SNRPE: variants seen among roughly 807,000 people sequenced by gnomAD.
SNRPE encodes small nuclear ribonucleoprotein E.
For synonymous variants in SNRPE, 35 were observed against 36.7 expected (o/e 0.95, Z 0.17); for missense variants, 53 against 111.6 (o/e 0.48, Z 2.36).
chr1:203,861,603 A>C lies in SNRPE; in HGVS notation c.-57A>C. The C allele has an allele frequency of 2.2e-6, 3 of 1,357,602 alleles. No homozygotes were observed. The highest frequency in any genetic ancestry group is 1.4e-5 in the African/African-American group (1 of 70,208). The allele number at this position is 1,357,602 out of a possible 1,614,324, so 84.1% of individuals were successfully genotyped here. A position where few individuals can be genotyped will look rare whatever the true frequency, so the allele number is the denominator to read the frequency against. On this transcript the variant is annotated 5_prime_UTR_variant, in exon 1 of 5. Coordinates refer to ENST00000414487, the MANE Select transcript of SNRPE (RefSeq NM_003094.4). ...TTCACACTTCCGCTTCCGGTTCTTT[A>C]TTCCGGAAGTTGCTCTCAGAGGCAG...
chr1:203,863,185 T>A (rs955191163), intron 2 of SNRPE, among the ~76,000 whole-genome samples: 6 of 113,596 alleles, frequency 5.3e-5, no homozygotes, highest in Non-Finnish European at 8.4e-5. Context: ...ATACTTCAAT[T>A]TTTTGGGGGG....
chr1:203,861,744 G>C, intron 1 of SNRPE, 31 bp downstream of exon 1: 1 of 1,551,192 alleles, frequency 6.4e-7, no homozygotes, highest in Non-Finnish European at 8.9e-7. Flanking sequence ...GGACTAGGAG[G>C]TTCGGGTCAG....
At chr1:203,864,927 T>G in intron 3 of SNRPE, 114 bp from the exon 4 acceptor site, 3 of 863,022 alleles carry the variant, frequency 3.5e-6, no homozygotes, top group African/African-American at 1.8e-5. Flanking sequence ...GGGGTGGGGC[T>G]TGAGAAGAGT....
chr1:203,869,769 A>C, intron 4 of SNRPE, 108 bp from the exon 5 acceptor site: 1 of 715,604 alleles, frequency 1.4e-6, no homozygotes, highest in Non-Finnish European at 2.4e-6. Flanking sequence ...ACATATTTTT[A>C]TAAGAAAGCA....
rs1483153225 is a variant in SNRPE at position 203,863,723 on chromosome 1, A to G, written c.142A>G (p.Ile48Val). The part of the protein sequence containing the change: ...QVNMRIEGCI[I>V]GFDEYMNLVL... ...GAATATGCGGATAGAAGGCTGTATC[A>G]TTGTGAGTATCCAGGCGATTTCATC... is the stretch of plus-strand genomic sequence containing the variant. Residue 48 changes from isoleucine (I) to valine (V), a missense_variant and splice_region_variant, in exon 3 of 5, where the codon ATT (isoleucine) becomes GTT (valine). Ile to Val is a conservative substitution (Grantham distance 29, BLOSUM62 3). Transcript: ENST00000414487. 6.3e-7 allele frequency: 1 copy of G among 1,589,580 alleles called. No individual in the cohort carries two copies. Among genetic ancestry groups the G allele is most frequent in the African/African-American group, 1.3e-5 (1 of 74,540 alleles).
chr1:203,868,286 G>A (rs1397541909), intron 4 of SNRPE, among the ~76,000 whole-genome samples: 1 of 152,000 alleles, frequency 6.6e-6, no homozygotes, highest in African/African-American at 2.4e-5. Flanking sequence ...TAACTTCTGA[G>A]CTCAGGCAAT....
At position 203,861,707 on chromosome 1, in the gene SNRPE, G is replaced by C; in HGVS notation, c.48G>C (p.Gln16His). 1 of 1,610,922 alleles carries C rather than the reference G, an allele frequency of 6.2e-7. No individual in the cohort carries two copies. Among genetic ancestry groups the C allele is most frequent in the Non-Finnish European group, 8.5e-7 (1 of 1,176,976 alleles). ...QGQKVQKVMV[Q>H]PINLIFRYLQ... ...AGAAAGTGCAGAAGGTTATGGTGCA[G>C]CCCATCGTATCCTACGCAGGATGTC... Residue 16 changes from glutamine to histidine, a missense_variant, in exon 1 of 5, where the codon CAG (glutamine) becomes CAC (histidine). Physicochemically the swap from Gln to His is conservative, Grantham distance 24. Coordinates refer to ENST00000414487, the MANE Select transcript of SNRPE (RefSeq NM_003094.4).
At chr1:203,862,729 C>T (rs1006798392) in intron 2 of SNRPE, among the ~76,000 whole-genome samples, 1 of 152,152 alleles carries the variant, frequency 6.6e-6, no homozygotes, top group Non-Finnish European at 1.5e-5. Context: ...ATTTTAGCAA[C>T]TTAAATTTTA....
intron 4 of SNRPE, among the ~76,000 whole-genome samples, chr1:203,868,412 A>G (rs1161972440): frequency 1.3e-5 from 2 of 152,218 alleles, no homozygotes; most frequent in African/African-American, 4.8e-5. Context: ...GGTTTCATCA[A>G]GACACACTGA....
Position 203,870,133 on chromosome 1 carries a change from C to T in SNRPE, c.*201C>T, listed in dbSNP as rs543301410. 1.1e-5 allele frequency: 5 copies of T among 467,984 alleles called. No homozygotes were observed. Among genetic ancestry groups the T allele is most frequent in the African/African-American group, 8.1e-5 (4 of 49,444 alleles). 29.0% of individuals were successfully genotyped at this position (467,984 alleles called of 1,614,324 possible). On this transcript the variant is annotated 3_prime_UTR_variant, in exon 5 of 5. Coordinates refer to ENST00000414487, the MANE Select transcript of SNRPE (RefSeq NM_003094.4). ...GCAGTAGAAACTTTTTACACAGTAA[C>T]ACCATTCGTTGCTGGTATTTAGTTT...
At chr1:203,864,712 A>G (rs945128739) in intron 3 of SNRPE, among the ~76,000 whole-genome samples, 1 of 152,070 alleles carries the variant, frequency 6.6e-6, no homozygotes, top group Non-Finnish European at 1.5e-5. Context: ...CCCTGTTTCT[A>G]CCAAAAATAC....
At chr1:203,863,154 A>G (rs945670396) in intron 2 of SNRPE, among the ~76,000 whole-genome samples, 3 of 127,018 alleles carry the variant, frequency 2.4e-5, no homozygotes, top group Non-Finnish European at 3.1e-5. Context: ...TTGTCGTTTG[A>G]CCAAAATGGT....
chr1:203,865,590 G>C (rs1690069741), intron 4 of SNRPE, among the ~76,000 whole-genome samples: 1 of 152,100 alleles, frequency 6.6e-6, no homozygotes, highest in Non-Finnish European at 1.5e-5. Flanking sequence ...TCAGCTCAGA[G>C]TCGTCAAGTT....
chr1:203,863,001 C>T (rs905404497), intron 2 of SNRPE, among the ~76,000 whole-genome samples: 3 of 152,090 alleles, frequency 2.0e-5, no homozygotes, highest in South Asian at 4.1e-4. Context: ...AAATTATTAG[C>T]TTATACAGTT....
chr1:203,865,077 G>T lies in SNRPE; in HGVS notation c.181G>T (p.Ala61Ser). ...DEYMNLVLDD[A>S]EEIHSKTKSR... ...GTATATGAACCTTGTATTAGATGAT[G>T]CAGAAGAGATTCATTCTAAAACAAA... Residue 61 changes from alanine to serine, a missense_variant, in exon 4 of 5, where the codon GCA becomes TCA. Transcript: ENST00000414487. 1 of 1,612,858 alleles carries T rather than the reference G, an allele frequency of 6.2e-7. No individual in the cohort carries two copies. Among genetic ancestry groups the T allele is most frequent in the Non-Finnish European group, 8.5e-7 (1 of 1,179,444 alleles).
At position 203,865,021 on chromosome 1, in the gene SNRPE, CAGTT is replaced by C. The variant is rs749606865; in HGVS notation, c.145-19_145-16del. 6.3e-6 allele frequency: 10 copies of C among 1,596,924 alleles called. No individual in the cohort carries two copies. Among genetic ancestry groups the C allele is most frequent in the African/African-American group, 4.0e-5 (3 of 74,128 alleles). ...TGAATGTGATTTTCTTTGAAGATAA[CAGTT>C]TGTTTATTTTTCTAGGGTTTTGATG... On this transcript the variant is annotated splice_polypyrimidine_tract_variant and intron_variant, in intron 3 of 4. Coordinates refer to ENST00000414487, the MANE Select transcript of SNRPE (RefSeq NM_003094.4).
chr1:203,861,663 G>A lies in SNRPE; in HGVS notation c.4G>A (p.Ala2Thr), dbSNP rs1689979887. The A allele has an allele frequency of 1.2e-6, 2 of 1,612,744 alleles. No individual in the cohort carries two copies. Among genetic ancestry groups the A allele is most frequent in the Non-Finnish European group, 1.7e-6 (2 of 1,178,824 alleles). M[A>T]YRGQGQKVQK... Reference sequence around the variant, plus strand: ...GTGCTCTTTGTGAAATTCCACCATGGCGTACCGTGGCCAGGGTCAGAAAGT... The same window carrying A: ...GTGCTCTTTGTGAAATTCCACCATGACGTACCGTGGCCAGGGTCAGAAAGT... Residue 2 changes from alanine to threonine, a missense_variant, in exon 1 of 5, where the codon GCG (alanine) becomes ACG (threonine). Transcript: ENST00000414487.
chr1:203,862,979 A>G (rs563152286), intron 2 of SNRPE, among the ~76,000 whole-genome samples: 36 of 152,282 alleles, frequency 2.4e-4, no homozygotes, highest in African/African-American at 7.7e-4. Context: ...ATTGAGTCCC[A>G]AAATCACAGG....
intron 1 of SNRPE, 91 bp from the exon 2 acceptor site, chr1:203,862,105 C>G: frequency 9.5e-7 from 1 of 1,049,226 alleles, no homozygotes; most frequent in Non-Finnish European, 1.5e-6. Flanking sequence ...GTTTAGTAAA[C>G]AAAGGTGAGA....
Sources: gnomAD v4.1 joint callset for allele counts (sites outside exome capture counted in the v4.1 genomes callset) on GRCh38, gnomAD v4.1.1 for gene constraint, MANE v1.5 for transcripts, NCBI Gene and HGNC (gene_info 2026-07-23, HGNC 2026-07-21) for gene names.